GNB1L: variants seen among roughly 807,000 people sequenced by gnomAD.
The protein encoded by GNB1L is G protein subunit beta 1 like.
In GNB1L, 20 loss-of-function variants were observed where a neutral mutation model predicts 29.1. The observed-to-expected ratio is 0.69, with a 90% CI of 0.48 to 1.00. The LOEUF (loss-of-function observed/expected upper bound fraction) is 1.00, where lower values mean the gene tolerates loss of function less well. GNB1L is among the 50% of genes least tolerant of loss of function. The pLI, the probability that GNB1L is intolerant of heterozygous loss-of-function variation, is 0.00. For missense variants in GNB1L, 421 were observed against 464.9 expected (o/e 0.91, Z 0.87); for synonymous variants, 193 against 206.5 (o/e 0.93, Z 0.56).
At chr22:19,823,508 A>G (rs112598338) in intron 2 of GNB1L, among the ~76,000 whole-genome samples, 1,789 of 152,326 alleles carry the variant, frequency 0.012, 42 homozygotes, top group African/African-American at 0.041. Context: ...GGGGACAGGA[A>G]GGCAGGGCCC....
At chr22:19,789,024 G>A in intron 7 of GNB1L, 64 bp from the exon 8 acceptor site, 1 of 1,505,060 alleles carries the variant, frequency 6.6e-7, no homozygotes. Context: ...TGCCCCTGGT[G>A]CCCCACCTGC....
At chr22:19,799,720 TG>T (rs1039694608) in intron 7 of GNB1L, among the ~76,000 whole-genome samples, 8 of 152,076 alleles carry the variant, frequency 5.3e-5, no homozygotes, top group Non-Finnish European at 1.5e-5. Context: ...GTGCAGGCGG[TG>T]GGTGAGGACA....
rs1032032631 is a variant in GNB1L, at chr22:19,848,529, G to A, written c.-21+5914C>T. On this transcript the variant is annotated intron_variant, in intron 2 of 7. Transcript: ENST00000329517. ...CTGGAAGGCCATGCCAGAGTCCATCGTTGCCTCCACCCTACCTGTGCAGGA... is the reference window on the plus strand; with the variant it reads ...CTGGAAGGCCATGCCAGAGTCCATCATTGCCTCCACCCTACCTGTGCAGGA... 8 of 985,388 alleles carry A rather than the reference G, an allele frequency of 8.1e-6. No homozygotes were observed. In the South Asian group the frequency reaches 1.4e-4, roughly 17 times the overall value. 61.0% of individuals were successfully genotyped at this position (985,388 alleles called of 1,614,324 possible). A position where few individuals can be genotyped will look rare whatever the true frequency, so the allele number is the denominator to read the frequency against.
At chr22:19,807,382 A>G (rs1429184623) in intron 5 of GNB1L, among the ~76,000 whole-genome samples, 1 of 152,112 alleles carries the variant, frequency 6.6e-6, no homozygotes, top group Non-Finnish European at 1.5e-5. Context: ...CGAGGCCACA[A>G]GCAGCAGACT....
At chr22:19,789,688 C>T (rs941906601) in intron 7 of GNB1L, among the ~76,000 whole-genome samples, 5 of 151,884 alleles carry the variant, frequency 3.3e-5, no homozygotes, top group South Asian at 2.1e-4. Context: ...CTTCCTGGGC[C>T]GAGCGTTGGG....
intron 2 of GNB1L, among the ~76,000 whole-genome samples, chr22:19,844,210 T>G (rs1937913698): frequency 6.6e-6 from 1 of 152,144 alleles, no homozygotes; most frequent in South Asian, 2.1e-4. Flanking sequence ...ATCAGTCACT[T>G]TTGCTGGGGA....
intron 2 of GNB1L, among the ~76,000 whole-genome samples, chr22:19,845,381 C>T (rs1164091687): frequency 6.6e-6 from 1 of 152,232 alleles, no homozygotes; most frequent in Non-Finnish European, 1.5e-5. Context: ...AGAGCCCTGG[C>T]TCCACAACCC....
At chr22:19,852,219 T>C (rs965973278) in intron 2 of GNB1L, 1 of 1,613,086 alleles carries the variant, frequency 6.2e-7, no homozygotes, top group East Asian at 2.2e-5. Flanking sequence ...GCTGCCCAGA[T>C]GGGAATGCGA....
chr22:19,838,463 T>A (rs11089312), intron 2 of GNB1L, among the ~76,000 whole-genome samples: 51,767 of 142,068 alleles, frequency 0.36, 9,163 homozygotes, highest in Middle Eastern at 0.42. Flanking sequence ...TTATTTATTT[T>A]TTTATTTTTA....
chr22:19,785,408 C>CA lies in GNB1L; in HGVS notation c.*3300dup, dbSNP rs1028703372. On this transcript the variant is annotated 3_prime_UTR_variant, in exon 8 of 8. Coordinates refer to ENST00000329517, the MANE Select transcript of GNB1L (RefSeq NM_053004.3). This position sits in a 1 kb window ranked among gnomAD's most constrained non-coding sequence, Gnocchi z 4.1. ...TGGGGGACAGAGTGAGACTCTGACT[C>CA]AAAAAAAAAAACACCCCAAAAACAC... 105 of 134,824 alleles carry CA rather than the reference C, an allele frequency of 7.8e-4. No homozygotes were observed. The highest frequency in any genetic ancestry group is 1.2e-3 in the South Asian group (5 of 4,088). The allele number at this position is 134,824 out of a possible 1,614,324, so 8.4% of individuals were successfully genotyped here. A position where few individuals can be genotyped will look rare whatever the true frequency, so the allele number is the denominator to read the frequency against.
chr22:19,848,231 A>G, intron 2 of GNB1L: 1 of 985,378 alleles, frequency 1.0e-6, no homozygotes, highest in Non-Finnish European at 1.2e-6. Context: ...GGGTATTTCC[A>G]AGGGAAGTGA....
chr22:19,842,382 G>C (rs903606921), intron 2 of GNB1L, among the ~76,000 whole-genome samples: 1 of 152,240 alleles, frequency 6.6e-6, no homozygotes, highest in Non-Finnish European at 1.5e-5. Context: ...GATCAGCGGG[G>C]AGTCAGTGGG....
chr22:19,811,958 G>A (rs537084922), intron 5 of GNB1L, among the ~76,000 whole-genome samples: 6 of 152,226 alleles, frequency 3.9e-5, no homozygotes, highest in Non-Finnish European at 5.9e-5. Context: ...CGTTCCTGCC[G>A]GCCTCGGGCC....
At chr22:19,853,597 C>G (rs143228865) in intron 2 of GNB1L, among the ~76,000 whole-genome samples, 1 of 152,182 alleles carries the variant, frequency 6.6e-6, no homozygotes, top group Admixed American at 6.5e-5. Context: ...GGCCATCCCC[C>G]CTCAGGGTGA....
chr22:19,819,099 C>A (rs1455317829), intron 4 of GNB1L, among the ~76,000 whole-genome samples: 1 of 152,238 alleles, frequency 6.6e-6, no homozygotes, highest in African/African-American at 2.4e-5. Context: ...GGGGGCTGCC[C>A]CTCCCTGCTC....
In GNB1L at chr22:19,786,795, C is replaced by T. The variant is rs1273242893; in HGVS notation, c.*1914G>A. On this transcript the variant is annotated 3_prime_UTR_variant, in exon 8 of 8. Coordinates refer to ENST00000329517, the MANE Select transcript of GNB1L (RefSeq NM_053004.3). ...CAGGGCACAGCTCCCTCAGCACCTG[C>T]AGTCACTGCAGCCTAAACCCAGGAC... The T allele has an allele frequency of 6.6e-6, 1 of 152,356 alleles. No individual in the cohort carries two copies. The highest frequency in any genetic ancestry group is 1.5e-5 in the Non-Finnish European group (1 of 68,144). The allele number at this position is 152,356 out of a possible 1,614,324, so 9.4% of individuals were successfully genotyped here. A position where few individuals can be genotyped will look rare whatever the true frequency, so the allele number is the denominator to read the frequency against.
Position 19,802,121 on chromosome 22 carries a change from G to T in GNB1L, c.612C>A (p.Ile204=). 1 of 1,613,362 alleles carries T rather than the reference G, an allele frequency of 6.2e-7. No homozygotes were observed. The highest frequency in any genetic ancestry group is 8.5e-7 in the Non-Finnish European group (1 of 1,179,986). The change falls in exon 7 of 8, where the codon ATC becomes ATA. Residue 204 remains isoleucine (I), a synonymous_variant. Transcript: ENST00000329517. ...CCATGACGGGCTCCTCATGGCAGGC[G>T]ATGCGGCTGCACACCTTCTGCTCAG... is the stretch of plus-strand genomic sequence containing the variant. The part of the protein sequence containing the change: ...DVSEQKVCSR[I]ACHEEPVMDL...
intron 2 of GNB1L, chr22:19,851,422 G>A (rs1267138413): frequency 2.5e-6 from 4 of 1,614,072 alleles, no homozygotes; most frequent in Admixed American, 3.3e-5. Context: ...GACCAGGCTT[G>A]GAGCTACATG....
At chr22:19,797,695 G>A (rs1034260440) in intron 7 of GNB1L, among the ~76,000 whole-genome samples, 2 of 152,168 alleles carry the variant, frequency 1.3e-5, no homozygotes, top group Non-Finnish European at 1.5e-5. Context: ...GCCTTGCCAT[G>A]CCCTCAGCCA....
Sources: allele counts gnomAD v4.1 joint callset (sites outside exome capture counted in the v4.1 genomes callset), GRCh38; gene constraint gnomAD v4.1.1; non-coding constraint Gnocchi (gnomAD v3.1); transcripts MANE v1.5; gene names NCBI Gene and HGNC (gene_info 2026-07-23, HGNC 2026-07-21).